The following FBXL20 variants were observed in gnomAD, a reference collection of about 807,000 sequenced individuals.
FBXL20 encodes F-box/LRR-repeat protein 20.
Under a neutral mutation model 64.0 loss-of-function variants are expected in FBXL20, and 11 were observed. That is an observed-to-expected ratio of 0.17 (90% CI 0.11 to 0.28). FBXL20 has a LOEUF of 0.28. FBXL20 is among the 10% of genes least tolerant of loss of function. The pLI is 1.00. For missense variants in FBXL20, 303 were observed against 526.2 expected (o/e 0.58, Z 4.15); for synonymous variants, 184 against 189.0 (o/e 0.97, Z 0.22).
At position 39,381,879 on chromosome 17, in the gene FBXL20, G is replaced by A. The variant is rs968840129; in HGVS notation, c.42+19482C>T. ...CGGGAAGCCGAGGGGGGCGGATCAC[G>A]AGGCCAAGAGGTCAAGACCATCCTA... On this transcript the variant is annotated intron_variant, in intron 1 of 14. Coordinates refer to ENST00000264658, the MANE Select transcript of FBXL20 (RefSeq NM_032875.3). 3.3e-4 allele frequency among the ~76,000 whole-genome samples: 47 copies of A among 142,464 alleles called. 1 individual carries two copies. Among genetic ancestry groups the A allele is most frequent in the African/African-American group, 1.3e-4 (5 of 38,504 alleles). 93.5% of individuals were successfully genotyped at this position (142,464 alleles called of 152,430 possible). A position where few individuals can be genotyped will look rare whatever the true frequency, so the allele number is the denominator to read the frequency against.
At chr17:39,265,067 C>T (rs2046779324) in intron 13 of FBXL20, among the ~76,000 whole-genome samples, 1 of 152,144 alleles carries the variant, frequency 6.6e-6, no homozygotes, top group Non-Finnish European at 1.5e-5. Context: ...TAAGGTGAAG[C>T]AAATTGTATT....
chr17:39,276,111 G>A (rs967675673), intron 9 of FBXL20, among the ~76,000 whole-genome samples: 12 of 150,060 alleles, frequency 8.0e-5, no homozygotes, highest in Non-Finnish European at 1.6e-4. Flanking sequence ...GCCAAGTATT[G>A]TGGCACATGC....
chr17:39,362,039 G>A (rs1328446947), intron 1 of FBXL20, among the ~76,000 whole-genome samples: 5 of 150,944 alleles, frequency 3.3e-5, no homozygotes, highest in Non-Finnish European at 4.4e-5. Context: ...TGTAATCCCA[G>A]CACTTTGGGA....
intron 2 of FBXL20, among the ~76,000 whole-genome samples, chr17:39,322,268 T>G (rs1223533239): frequency 6.6e-6 from 1 of 152,032 alleles, no homozygotes; most frequent in Non-Finnish European, 1.5e-5. Context: ...TTAAAATACT[T>G]TGAGACTAAC....
intron 4 of FBXL20, 121 bp from the exon 5 acceptor site, chr17:39,299,205 T>C: frequency 2.9e-6 from 2 of 686,732 alleles, no homozygotes; most frequent in South Asian, 2.1e-5. Flanking sequence ...CCTAATTTAA[T>C]AGGAAAATTG....
intron 2 of FBXL20, among the ~76,000 whole-genome samples, chr17:39,322,827 CAG>C (rs1306951857): frequency 2.6e-5 from 4 of 152,088 alleles, no homozygotes; most frequent in South Asian, 2.1e-4. Flanking sequence ...TTTTTTGAGA[CAG>C]AGTCTCGCTC....
intron 1 of FBXL20, among the ~76,000 whole-genome samples, chr17:39,376,157 T>C (rs2047965306): frequency 6.6e-6 from 1 of 151,910 alleles, no homozygotes; most frequent in South Asian, 2.1e-4. Context: ...ACAGCTGACA[T>C]TGCTGGTAAC....
chr17:39,385,954 C>G (rs574735338), intron 1 of FBXL20, among the ~76,000 whole-genome samples: 1 of 140,980 alleles, frequency 7.1e-6, no homozygotes, highest in East Asian at 2.1e-4. Context: ...CACTTGAACC[C>G]GGGAGGCAGA....
At chr17:39,275,701 T>C (rs952053327) in intron 9 of FBXL20, among the ~76,000 whole-genome samples, 1 of 151,802 alleles carries the variant, frequency 6.6e-6, no homozygotes, top group Non-Finnish European at 1.5e-5. Context: ...TGAGCCACCA[T>C]GCCTGGCCTC....
At chr17:39,369,928 C>T (rs2047898756) in intron 1 of FBXL20, among the ~76,000 whole-genome samples, 1 of 152,056 alleles carries the variant, frequency 6.6e-6, no homozygotes. Flanking sequence ...GCCACTGCAT[C>T]CAACCCACAT....
chr17:39,373,207 T>C (rs993689677), intron 1 of FBXL20, among the ~76,000 whole-genome samples: 9 of 152,264 alleles, frequency 5.9e-5, no homozygotes, highest in Admixed American at 3.9e-4. Flanking sequence ...AAAAACTTTC[T>C]CTAAACACAC....
intron 1 of FBXL20, among the ~76,000 whole-genome samples, chr17:39,361,377 T>C (rs1374441956): frequency 1.3e-5 from 2 of 152,176 alleles, no homozygotes; most frequent in Non-Finnish European, 2.9e-5. Context: ...ACATGAGAGA[T>C]ATGCAGAAGA....
At chr17:39,298,281 G>A (rs577070812) in intron 5 of FBXL20, among the ~76,000 whole-genome samples, 16 of 152,008 alleles carry the variant, frequency 1.1e-4, no homozygotes, top group African/African-American at 3.9e-4. Context: ...ACCTAACCTG[G>A]CTAATTAAAA....
chr17:39,285,313 T>A (rs1419066108), intron 7 of FBXL20, among the ~76,000 whole-genome samples, 165 bp downstream of exon 7: 1 of 151,454 alleles, frequency 6.6e-6, no homozygotes, highest in African/African-American at 2.5e-5. Flanking sequence ...CTTTAGTATG[T>A]CCCATAATTG....
At chr17:39,299,326 T>TA (rs771943790) in intron 4 of FBXL20, among the ~76,000 whole-genome samples, 1 of 152,190 alleles carries the variant, frequency 6.6e-6, no homozygotes, top group Non-Finnish European at 1.5e-5. Flanking sequence ...CTTGAGAAAA[T>TA]AATGTTCTAT....
chr17:39,389,983 T>C (rs571526907), intron 1 of FBXL20, among the ~76,000 whole-genome samples: 1 of 152,280 alleles, frequency 6.6e-6, no homozygotes, highest in South Asian at 2.1e-4. Context: ...CAACTTACAA[T>C]TTGGTGCCAG....
chr17:39,284,373 C>A (rs2046971679), intron 7 of FBXL20, among the ~76,000 whole-genome samples: 1 of 152,112 alleles, frequency 6.6e-6, no homozygotes, highest in South Asian at 2.1e-4. Flanking sequence ...TTATACTCTA[C>A]TTAACTAAAT....
chr17:39,264,942 T>C (rs1280957037), intron 13 of FBXL20, among the ~76,000 whole-genome samples: 1 of 152,192 alleles, frequency 6.6e-6, no homozygotes, highest in African/African-American at 2.4e-5. Context: ...TGAGCCTGGA[T>C]ACAACAGAAC....
At chr17:39,303,278 T>C (rs2047154058) in intron 3 of FBXL20, among the ~76,000 whole-genome samples, 1 of 151,910 alleles carries the variant, frequency 6.6e-6, no homozygotes, top group Non-Finnish European at 1.5e-5. Context: ...GAAAACATAA[T>C]AAAACAAGAT....
Sources: allele counts gnomAD v4.1 joint callset (sites outside exome capture counted in the v4.1 genomes callset), GRCh38; gene constraint gnomAD v4.1.1; transcripts MANE v1.5; gene names NCBI Gene and HGNC (gene_info 2026-07-23, HGNC 2026-07-21).